CCSER1: variants seen among roughly 807,000 people sequenced by gnomAD.
CCSER1 encodes coiled-coil serine rich protein 1, also known as serine-rich coiled-coil domain-containing protein 1.
Under a neutral mutation model 82.0 loss-of-function variants are expected in CCSER1, and 41 were observed. That is an observed-to-expected ratio of 0.50 (90% confidence interval 0.39 to 0.65). The LOEUF is 0.65. CCSER1 is among the 30% of genes least tolerant of loss of function. CCSER1 has a pLI of 0.00. For missense variants in CCSER1, 1,119 were observed against 1,064.2 expected (o/e 1.05, Z -0.72); for synonymous variants, 414 against 383.9 (o/e 1.08, Z -0.92).
chr4:90,502,895 T>G (rs1283671464), intron 5 of CCSER1, among the ~76,000 whole-genome samples: 1 of 152,058 alleles, frequency 6.6e-6, no homozygotes, highest in Non-Finnish European at 1.5e-5. Flanking sequence ...CTCAAAGGTG[T>G]TTTCTCAAGT....
intron 10 of CCSER1, among the ~76,000 whole-genome samples, chr4:91,225,436 A>C (rs1473131721): frequency 2.7e-5 from 4 of 145,556 alleles, no homozygotes; most frequent in Admixed American, 7.0e-5. Flanking sequence ...GTATTTCTTA[A>C]ATTTAAGACT....
intron 9 of CCSER1, among the ~76,000 whole-genome samples, chr4:91,020,424 A>C (rs533820836): frequency 6.6e-6 from 1 of 152,300 alleles, no homozygotes; most frequent in African/African-American, 2.4e-5. Flanking sequence ...GCACTTTGGG[A>C]GGCCAAGGCG....
intron 9 of CCSER1, among the ~76,000 whole-genome samples, chr4:90,941,858 T>C (rs1187532708): frequency 2.0e-5 from 3 of 152,126 alleles, no homozygotes; most frequent in Non-Finnish European, 1.5e-5. Flanking sequence ...ATATCCCTCA[T>C]TGGGGGAAAG....
At chr4:90,532,003 G>GTATATA (rs374729389) in intron 5 of CCSER1, among the ~76,000 whole-genome samples, 1 of 150,948 alleles carries the variant, frequency 6.6e-6, no homozygotes, top group African/African-American at 2.4e-5. Flanking sequence ...GATTTTAAGA[G>GTATATA]TATATATATA....
intron 10 of CCSER1, among the ~76,000 whole-genome samples, chr4:91,103,664 A>T (rs1422666419): frequency 6.6e-6 from 1 of 152,152 alleles, no homozygotes; most frequent in Non-Finnish European, 1.5e-5. Flanking sequence ...TAATCTCTTA[A>T]TCCTGTTATC....
At chr4:90,270,475 G>A (rs1354318498) in intron 1 of CCSER1, among the ~76,000 whole-genome samples, 1 of 151,622 alleles carries the variant, frequency 6.6e-6, no homozygotes, top group Non-Finnish European at 1.5e-5. Context: ...AAAAATACTG[G>A]ATATAGAAGG....
At chr4:90,669,266 T>C (rs576094052) in intron 6 of CCSER1, among the ~76,000 whole-genome samples, 1 of 152,192 alleles carries the variant, frequency 6.6e-6, no homozygotes, top group East Asian at 1.9e-4. Flanking sequence ...ATTGCATTTT[T>C]CTCTTAAAAT....
At chr4:91,078,804 T>C (rs770703609) in intron 9 of CCSER1, among the ~76,000 whole-genome samples, 6 of 152,172 alleles carry the variant, frequency 3.9e-5, no homozygotes, top group Non-Finnish European at 8.8e-5. Context: ...CAATAGCAGA[T>C]TTAATCAAAT....
At chr4:91,021,948 T>G (rs1740016686) in intron 9 of CCSER1, among the ~76,000 whole-genome samples, 1 of 152,192 alleles carries the variant, frequency 6.6e-6, no homozygotes, top group African/African-American at 2.4e-5. Flanking sequence ...TTCAAATGAT[T>G]AAATTTTTCT....
At chr4:90,392,712 A>G (rs1387371385) in intron 3 of CCSER1, among the ~76,000 whole-genome samples, 1 of 152,194 alleles carries the variant, frequency 6.6e-6, no homozygotes, top group Non-Finnish European at 1.5e-5. Flanking sequence ...TAGAATTAAG[A>G]CACATTTTTG....
intron 7 of CCSER1, among the ~76,000 whole-genome samples, chr4:90,789,978 G>A (rs1016231009): frequency 1.3e-5 from 2 of 152,014 alleles, no homozygotes; most frequent in Non-Finnish European, 2.9e-5. Flanking sequence ...ACAGGAGTGA[G>A]CAATACTTCC....
At chr4:90,341,179 T>C (rs1360782290) in intron 3 of CCSER1, among the ~76,000 whole-genome samples, 1 of 152,120 alleles carries the variant, frequency 6.6e-6, no homozygotes, top group Non-Finnish European at 1.5e-5. Flanking sequence ...GGAATGTCTG[T>C]TTCCTCATAG....
chr4:90,938,484 C>T (rs1258699942), intron 9 of CCSER1, among the ~76,000 whole-genome samples: 1 of 151,798 alleles, frequency 6.6e-6, no homozygotes, highest in Non-Finnish European at 1.5e-5. Flanking sequence ...AAGTTGGGAG[C>T]CTATAAGCAT....
intron 3 of CCSER1, among the ~76,000 whole-genome samples, chr4:90,398,375 T>C (rs1038774520): frequency 5.3e-5 from 8 of 152,190 alleles, no homozygotes; most frequent in Non-Finnish European, 1.5e-5. Flanking sequence ...AAGTGTAAAA[T>C]TATTTACCCC....
intron 10 of CCSER1, among the ~76,000 whole-genome samples, chr4:91,232,340 G>A (rs1481927959): frequency 1.3e-5 from 2 of 151,686 alleles, no homozygotes; most frequent in Non-Finnish European, 3.0e-5. Flanking sequence ...CCACTGACAG[G>A]GGACTTTTTC....
intron 4 of CCSER1, among the ~76,000 whole-genome samples, chr4:90,416,321 C>T (rs991370146): frequency 9.2e-5 from 14 of 152,096 alleles, no homozygotes; most frequent in Admixed American, 2.0e-4. Context: ...CTCACAATAA[C>T]TCTGAGAGAA....
At chr4:90,953,116 T>C (rs775030913) in intron 9 of CCSER1, among the ~76,000 whole-genome samples, 8 of 152,040 alleles carry the variant, frequency 5.3e-5, no homozygotes, top group Non-Finnish European at 1.2e-4. Flanking sequence ...AATATGAGTT[T>C]TGACATCCAT....
intron 4 of CCSER1, among the ~76,000 whole-genome samples, chr4:90,410,071 G>A (rs1002742400): frequency 6.6e-6 from 1 of 152,162 alleles, no homozygotes; most frequent in Non-Finnish European, 1.5e-5. Context: ...AATTCAACAA[G>A]AAGAGGTAAT....
chr4:90,244,299 T>G (rs1304903757), intron 1 of CCSER1, among the ~76,000 whole-genome samples: 2 of 152,182 alleles, frequency 1.3e-5, no homozygotes, highest in East Asian at 3.9e-4. Flanking sequence ...TGAGTCTGTT[T>G]TAATAGGCAA....
Sources: gnomAD v4.1 joint callset for allele counts (sites outside exome capture counted in the v4.1 genomes callset) on GRCh38, gnomAD v4.1.1 for gene constraint, MANE v1.5 for transcripts, NCBI Gene and HGNC (gene_info 2026-07-23, HGNC 2026-07-21) for gene names.